The following CD70 variants were observed in gnomAD, a reference collection of about 807,000 sequenced individuals.
CD70 encodes CD70 molecule.
Under a neutral mutation model 9.0 loss-of-function variants are expected in CD70, and 6 were observed. That is an observed-to-expected ratio of 0.67 (90% confidence interval 0.37 to 1.32). The LOEUF (loss-of-function observed/expected upper bound fraction) is 1.32. CD70 is among the 40% of genes most tolerant of loss of function. The pLI is 0.02. For synonymous variants in CD70, 108 were observed against 112.3 expected (o/e 0.96, Z 0.24); for missense variants, 235 against 258.7 (o/e 0.91, Z 0.63).
chr19:6,582,752 C>G (rs1326462959), downstream of CD70, among the ~76,000 whole-genome samples: 1 of 152,108 alleles, frequency 6.6e-6, no homozygotes, highest in Non-Finnish European at 1.5e-5. Context: ...TTTTCTTAAT[C>G]CAGTCTATCA....
At chr19:6,583,430 C>A (rs143257750), downstream of CD70, 1 of 682,682 alleles carries the variant, frequency 1.5e-6, no homozygotes, top group South Asian at 1.6e-5. Flanking sequence ...TATTAAATGC[C>A]GTAAGAAGCA....
intron 2 of CD70, among the ~76,000 whole-genome samples, chr19:6,589,690 G>C (rs889670761): frequency 6.6e-6 from 1 of 151,370 alleles, no homozygotes. Context: ...ACGCCAGGTC[G>C]CCTCTCTCGT....
chr19:6,586,524 C>T (rs1250044236), intron 2 of CD70, 119 bp from the exon 3 acceptor site: 11 of 1,139,728 alleles, frequency 9.7e-6, no homozygotes, highest in Admixed American at 2.8e-5. Flanking sequence ...ATAGGTTGGA[C>T]GTGGTGGCTC....
Position 6,590,784 on chromosome 19 carries a change from T to C in CD70, c.162+57A>G. The C allele has an allele frequency of 1.4e-6, 2 of 1,446,458 alleles. No individual in the cohort carries two copies. The highest frequency in any genetic ancestry group is 1.9e-6 in the Non-Finnish European group (2 of 1,037,460). The allele number at this position is 1,446,458 out of a possible 1,614,324, so 89.6% of individuals were successfully genotyped here. On this transcript the variant is annotated intron_variant, in intron 1 of 2. Transcript: ENST00000245903. The surrounding 1 kb of genome is among the most constrained non-coding windows in gnomAD (Gnocchi z 5.3). ...GCCTCTTTGTACCCATCTCATTCTGTCTTTTCGGTCACGCGCCTCTCTATG... is the reference window on the plus strand; with the variant it reads ...GCCTCTTTGTACCCATCTCATTCTGCCTTTTCGGTCACGCGCCTCTCTATG...
chr19:6,589,964 C>A (rs1244602709), intron 2 of CD70, 139 bp downstream of exon 2: 1 of 661,174 alleles, frequency 1.5e-6, no homozygotes. Flanking sequence ...CGTTTCCCTC[C>A]CTATCTCTCC....
chr19:6,585,794 T>C (rs1276577279), downstream of CD70: 1 of 455,756 alleles, frequency 2.2e-6, no homozygotes, highest in Non-Finnish European at 3.9e-6. Context: ...CCTGCCTCAG[T>C]CGGCCGAGTA....
At position 6,591,039 on chromosome 19, in the gene CD70, G is replaced by A. The variant is rs979953351; in HGVS notation, c.-37C>T. 4 of 1,554,544 alleles carry A rather than the reference G, an allele frequency of 2.6e-6. No homozygotes were observed. Among genetic ancestry groups the A allele is most frequent in the African/African-American group, 2.7e-5 (2 of 72,742 alleles). On this transcript the variant is annotated 5_prime_UTR_variant, in exon 1 of 3. Coordinates refer to ENST00000245903, the MANE Select transcript of CD70 (RefSeq NM_001252.5). ...TCACCTCCGCTAGCGCAGGAGGGGC[G>A]ATGGGGGCGCGGAGCGCTGCCGAGA...
At chr19:6,587,884 T>G (rs1041763057) in intron 2 of CD70, among the ~76,000 whole-genome samples, 2 of 152,096 alleles carry the variant, frequency 1.3e-5, no homozygotes, top group Non-Finnish European at 2.9e-5. Flanking sequence ...TTTTCAAAAT[T>G]TTGTTCTAGA....
chr19:6,587,736 G>T (rs1916059821), intron 2 of CD70, among the ~76,000 whole-genome samples: 1 of 152,010 alleles, frequency 6.6e-6, no homozygotes, highest in Non-Finnish European at 1.5e-5. Flanking sequence ...TAGAGACAGG[G>T]TCTGGTCCTG....
chr19:6,585,658 C>G (rs1448159721), downstream of CD70, among the ~76,000 whole-genome samples: 3 of 150,226 alleles, frequency 2.0e-5, no homozygotes, highest in Non-Finnish European at 4.4e-5. Flanking sequence ...CTCTATTCTT[C>G]AAACATCCCT....
Position 6,591,143 on chromosome 19 carries a change from C to T in CD70, c.-141G>A. 3 of 834,612 alleles carry T rather than the reference C, an allele frequency of 3.6e-6. No homozygotes were observed. The highest frequency in any genetic ancestry group is 5.3e-6 in the Non-Finnish European group (3 of 568,806). The allele number at this position is 834,612 out of a possible 1,614,324, so 51.7% of individuals were successfully genotyped here. A position where few individuals can be genotyped will look rare whatever the true frequency, so the allele number is the denominator to read the frequency against. On this transcript the variant is annotated 5_prime_UTR_variant, in exon 1 of 3. Coordinates refer to ENST00000245903, the MANE Select transcript of CD70 (RefSeq NM_001252.5). ...TCAACCTGTCAGGGGACCAGCCTGC[C>T]CCTCTCTGGGGATGTCCGGCCGGTC...
downstream of CD70, among the ~76,000 whole-genome samples, chr19:6,585,089 A>T (rs10425310): frequency 0.72 from 109,082 of 151,686 alleles, 41,012 homozygotes; most frequent in Non-Finnish European, 0.83. Flanking sequence ...CAGGTTCAAG[A>T]GATTCTCCTG....
downstream of CD70, chr19:6,583,126 A>C: frequency 2.2e-6 from 1 of 445,156 alleles, no homozygotes; most frequent in Non-Finnish European, 4.0e-6. Context: ...TTCCCCTTCT[A>C]GAAGTGAGAT....
intron 2 of CD70, among the ~76,000 whole-genome samples, chr19:6,588,916 A>G (rs1444700482): frequency 6.6e-6 from 1 of 152,046 alleles, no homozygotes; most frequent in Non-Finnish European, 1.5e-5. Context: ...GTGCCTGCCC[A>G]CTGCAGATGT....
downstream of CD70, chr19:6,583,442 T>C (rs1425579936): frequency 5.9e-6 from 4 of 673,630 alleles, no homozygotes; most frequent in Non-Finnish European, 5.4e-6. Context: ...TAAGAAGCAC[T>C]TGACTTTGAG....
downstream of CD70, among the ~76,000 whole-genome samples, chr19:6,584,024 C>T (rs1434516499): frequency 6.6e-6 from 1 of 150,790 alleles, no homozygotes; most frequent in African/African-American, 2.4e-5. Context: ...AACTCCTGAC[C>T]TCAGGCGATC....
downstream of CD70, among the ~76,000 whole-genome samples, chr19:6,582,160 C>T (rs11085182): frequency 0.46 from 69,482 of 150,856 alleles, 16,244 homozygotes; most frequent in East Asian, 0.75. Flanking sequence ...CTCCAAGTCG[C>T]GGGGACTACA....
rs1424342611 is a variant in CD70, at chr19:6,591,041, T to A, written c.-39A>T. The A allele has an allele frequency of 6.4e-7, 1 of 1,552,914 alleles. No homozygotes were observed. Among genetic ancestry groups the A allele is most frequent in the Non-Finnish European group, 8.7e-7 (1 of 1,149,304 alleles). On this transcript the variant is annotated 5_prime_UTR_variant, in exon 1 of 3. Transcript: ENST00000245903. ...ACCTCCGCTAGCGCAGGAGGGGCGA[T>A]GGGGGCGCGGAGCGCTGCCGAGAAG...
chr19:6,587,044 CAGAGAGCATGAGAG>C (rs1326768327), intron 2 of CD70, among the ~76,000 whole-genome samples: 2 of 122,012 alleles, frequency 1.6e-5, no homozygotes, highest in Non-Finnish European at 3.5e-5. Flanking sequence ...GAGAGTGCGA[CAGAGAGCATGAGAG>C]AGAGAGCATG....
Sources: allele counts gnomAD v4.1 joint callset (sites outside exome capture counted in the v4.1 genomes callset), GRCh38; gene constraint gnomAD v4.1.1; non-coding constraint Gnocchi (gnomAD v3.1); transcripts MANE v1.5; gene names NCBI Gene and HGNC (gene_info 2026-07-23, HGNC 2026-07-21).